The following FGD3 variants were observed in gnomAD, a reference collection of about 807,000 sequenced individuals.
The protein encoded by FGD3 is FYVE, RhoGEF and PH domain-containing protein 3.
A neutral mutation model predicts 71.8 loss-of-function variants in FGD3; 45 were observed. The ratio of observed to expected loss-of-function variants is 0.63; its 90% CI spans 0.49 to 0.80. The LOEUF (loss-of-function observed/expected upper bound fraction) is 0.80, where lower values mean the gene tolerates loss of function less well. Ranked by LOEUF, FGD3 falls within the 30% of genes least tolerant of loss-of-function variation. The pLI, the probability that FGD3 is intolerant of heterozygous loss-of-function variation, is 0.00. For missense variants in FGD3, 844 were observed against 951.5 expected, an observed-to-expected ratio of 0.89 and a Z score of 1.49; for synonymous variants, 378 against 392.8, an observed-to-expected ratio of 0.96 and a Z score of 0.44.
chr9:93,010,718 G>A (rs1861303662), intron 7 of FGD3, among the ~76,000 whole-genome samples: 1 of 149,418 alleles, frequency 6.7e-6, no homozygotes, highest in South Asian at 2.1e-4. Context: ...GACAGAGGAA[G>A]GAGGGGGAGA....
chr9:93,029,029 T>G (rs964852954), intron 14 of FGD3, among the ~76,000 whole-genome samples: 1 of 88,842 alleles, frequency 1.1e-5, no homozygotes, highest in African/African-American at 5.5e-5. Flanking sequence ...TTTTTTTTTT[T>G]TTTTTTTTGA....
At chr9:93,022,171 C>T (rs951301945) in intron 13 of FGD3, among the ~76,000 whole-genome samples, 156 bp from the exon 14 acceptor site, 8 of 152,232 alleles carry the variant, frequency 5.3e-5, no homozygotes, top group African/African-American at 1.9e-4. Flanking sequence ...GAGCAGCTTC[C>T]CCAGAGGCAC....
chr9:92,957,097 C>T (rs914916337), intron 1 of FGD3, among the ~76,000 whole-genome samples: 4 of 152,192 alleles, frequency 2.6e-5, no homozygotes. Flanking sequence ...ATTACGCATT[C>T]TCCAGTTGTC....
At chr9:93,018,060 C>T (rs1033361974) in intron 10 of FGD3, 76 bp from the exon 11 acceptor site, 3 of 1,412,984 alleles carry the variant, frequency 2.1e-6, no homozygotes, top group Non-Finnish European at 3.0e-6. Context: ...GGAAACACTT[C>T]TAAGTCAGAA....
intron 8 of FGD3, among the ~76,000 whole-genome samples, chr9:93,011,906 C>T (rs1336653506): frequency 6.7e-6 from 1 of 149,108 alleles, no homozygotes; most frequent in Non-Finnish European, 1.5e-5. Flanking sequence ...CGCCTGTAAT[C>T]CCAGCAATTT....
intron 13 of FGD3, 45 bp from the exon 14 acceptor site, chr9:93,022,282 G>A (rs768547301): frequency 3.3e-5 from 52 of 1,584,670 alleles, no homozygotes; most frequent in African/African-American, 9.4e-5. Context: ...CAGTGGCTGC[G>A]TGGCCCTGGA....
chr9:92,962,029 A>C (rs1205872411), intron 1 of FGD3, among the ~76,000 whole-genome samples: 1 of 152,172 alleles, frequency 6.6e-6, no homozygotes, highest in African/African-American at 2.4e-5. Flanking sequence ...GCATTTGATG[A>C]TCACTGGGCC....
chr9:93,017,112 T>TA (rs1367141027), intron 10 of FGD3, among the ~76,000 whole-genome samples: 3 of 151,968 alleles, frequency 2.0e-5, no homozygotes, highest in Non-Finnish European at 4.4e-5. Flanking sequence ...CTATAAAAAA[T>TA]AAAAAATTAG....
Position 93,004,018 on chromosome 9 carries a change from G to C in FGD3, c.561G>C (p.Leu187=). The change falls in exon 5 of 18, where the codon CTG becomes CTC. Residue 187 remains leucine (L), a synonymous_variant. Transcript: ENST00000375482. ...HLLDQVFCTR[L]TDAGIPPEVI... is the part of the protein sequence containing the mutation. ...ATGCTCAGGTTTTCTGCACCAGGCT[G>C]ACGGATGCGGGGATCCCTCCAGAAG... The C allele has an allele frequency of 6.2e-7, 1 of 1,614,170 alleles. No individual in the cohort carries two copies. The highest frequency in any genetic ancestry group is 1.1e-5 in the South Asian group (1 of 91,092).
rs1251183210 is a variant in FGD3, at chr9:92,980,024, G to T, written c.453+3315G>T. 5.1e-5 allele frequency among the ~76,000 whole-genome samples: 7 copies of T among 136,678 alleles called. No homozygotes were observed. The East Asian group carries it at 1.4e-3, about 28-fold the overall frequency. The allele number at this position is 136,678 out of a possible 152,430, so 89.7% of individuals were successfully genotyped here. On this transcript the variant is annotated intron_variant, in intron 3 of 17. Coordinates refer to ENST00000375482, the MANE Select transcript of FGD3 (RefSeq NM_001083536.2). Reference sequence around the variant, plus strand: ...AAAAAATCTATACATTTAGACAATAGAATAGATTTTTTTTTTTTTTAGATG... The same window carrying T: ...AAAAAATCTATACATTTAGACAATATAATAGATTTTTTTTTTTTTTAGATG...
chr9:93,004,077 T>C lies in FGD3; in HGVS notation c.620T>C (p.Ile207Thr). 4 of 1,614,146 alleles carry C rather than the reference T, an allele frequency of 2.5e-6. No homozygotes were observed. Among genetic ancestry groups the C allele is most frequent in the Non-Finnish European group, 3.4e-6 (4 of 1,180,022 alleles). The change falls in exon 5 of 18, where the codon ATC becomes ACC. Residue 207 changes from isoleucine (I) to threonine (T), a missense_variant. By Grantham distance (89) the Ile-to-Thr change is moderately conservative (BLOSUM62 -1). Transcript: ENST00000375482. ...GGCATATTCTCTAACATCTCCTCCA[T>C]CCACCGCTTCCACGGGCAGTTCCTG... ...IMGIFSNISS[I>T]HRFHGQFLLP...
chr9:93,019,312 T>G (rs539512225), intron 11 of FGD3, among the ~76,000 whole-genome samples: 2 of 152,288 alleles, frequency 1.3e-5, no homozygotes, highest in East Asian at 3.9e-4. Context: ...TCCATTATGA[T>G]CATTAGCTAG....
At chr9:93,011,019 A>G (rs929104854) in intron 7 of FGD3, among the ~76,000 whole-genome samples, 195 bp from the exon 8 acceptor site, 4 of 152,020 alleles carry the variant, frequency 2.6e-5, no homozygotes, top group Non-Finnish European at 4.4e-5. Context: ...TGGCCCCAGA[A>G]GGGATGTGTC....
intron 14 of FGD3, among the ~76,000 whole-genome samples, chr9:93,026,861 G>C (rs978401312): frequency 1.3e-5 from 2 of 152,260 alleles, no homozygotes; most frequent in African/African-American, 4.8e-5. Context: ...CGTGGCCAGG[G>C]TCCCCCTTCC....
chr9:92,995,509 A>G (rs970461385), intron 3 of FGD3, among the ~76,000 whole-genome samples: 2 of 152,196 alleles, frequency 1.3e-5, no homozygotes, highest in Admixed American at 6.5e-5. Flanking sequence ...TTCCAACACT[A>G]CGTTGAATAG....
chr9:92,980,030 ATT>A (rs34335043), intron 3 of FGD3, among the ~76,000 whole-genome samples: 1 of 145,010 alleles, frequency 6.9e-6, no homozygotes, highest in African/African-American at 2.6e-5. Flanking sequence ...AATAGAATAG[ATT>A]TTTTTTTTTT....
intron 1 of FGD3, among the ~76,000 whole-genome samples, chr9:92,949,044 G>T (rs1472998736): frequency 6.6e-6 from 1 of 152,206 alleles, no homozygotes; most frequent in Non-Finnish European, 1.5e-5. Context: ...CATCCCTTGG[G>T]CCTTTAGTTG....
In FGD3 at chr9:93,035,454, G is replaced by C. The variant is rs1197158662; in HGVS notation, c.2043G>C (p.Trp681Cys). The change falls in exon 18 of 18, where the codon TGG becomes TGC. Residue 681 changes from tryptophan (W) to cysteine (C), a missense_variant. Trp to Cys is a radical substitution (Grantham distance 215). Coordinates refer to ENST00000375482, the MANE Select transcript of FGD3 (RefSeq NM_001083536.2). The stretch of plus-strand genomic sequence containing the variant: ...AGCTGCAGTGGGCCAAGCAGTCCTG[G>C]TACCTGAGCGCCTCCTCCGCAGAGC... ...VWKLQWAKQS[W>C]YLSASSAELQ... The C allele has an allele frequency of 1.9e-5, 31 of 1,613,268 alleles. No homozygotes were observed. Among genetic ancestry groups the C allele is most frequent in the Non-Finnish European group, 2.4e-5 (28 of 1,179,858 alleles).
intron 14 of FGD3, among the ~76,000 whole-genome samples, chr9:93,023,107 G>A (rs78184240): frequency 0.039 from 5,976 of 152,244 alleles, 164 homozygotes; most frequent in East Asian, 0.12. Context: ...CATCACCGTG[G>A]AGCACCCCGA....
Sources: allele counts gnomAD v4.1 joint callset (sites outside exome capture counted in the v4.1 genomes callset), GRCh38; gene constraint gnomAD v4.1.1; transcripts MANE v1.5; gene names NCBI Gene and HGNC (gene_info 2026-07-23, HGNC 2026-07-21).